Variants in LEKR1 observed in about 807,000 individuals in gnomAD.
The protein encoded by LEKR1 is leucine, glutamate and lysine rich 1, also known as protein LEKR1.
In LEKR1, 59 loss-of-function variants were observed where a neutral mutation model predicts 72.4. The ratio of observed to expected loss-of-function variants is 0.82; its 90% confidence interval spans 0.66 to 1.01. The LOEUF (loss-of-function observed/expected upper bound fraction) is 1.01. Ranked by LOEUF, LEKR1 falls within the 50% of genes least tolerant of loss-of-function variation. The pLI is 0.00. For synonymous variants in LEKR1, 257 were observed against 263.2 expected (o/e 0.98, Z 0.23); for missense variants, 728 against 759.2 (o/e 0.96, Z 0.48).
intron 3 of LEKR1, among the ~76,000 whole-genome samples, chr3:156,885,574 C>G (rs1489652538): frequency 6.6e-6 from 1 of 152,194 alleles, no homozygotes; most frequent in Non-Finnish European, 1.5e-5. Flanking sequence ...AGCCACCCAG[C>G]TGGACTACCA....
intron 2 of LEKR1, among the ~76,000 whole-genome samples, chr3:156,851,680 T>G (rs536770482): frequency 4.1e-4 from 62 of 151,064 alleles, no homozygotes; most frequent in African/African-American, 1.5e-3. Context: ...TAAAAATGTG[T>G]TTTTTTTTCT....
chr3:156,899,492 A>G (rs1428753648), intron 3 of LEKR1, among the ~76,000 whole-genome samples: 3 of 127,782 alleles, frequency 2.3e-5, no homozygotes, highest in African/African-American at 6.2e-5. Context: ...ATACATATAT[A>G]CACATATATA....
intron 12 of LEKR1, among the ~76,000 whole-genome samples, chr3:157,040,487 T>C (rs79440587): frequency 0.038 from 5,822 of 152,304 alleles, 338 homozygotes; most frequent in African/African-American, 0.12. Flanking sequence ...ATTCTTCTCT[T>C]ACCAAAAGGC....
At chr3:156,920,407 T>C (rs1459813324) in intron 3 of LEKR1, among the ~76,000 whole-genome samples, 168 bp from the exon 4 acceptor site, 1 of 152,182 alleles carries the variant, frequency 6.6e-6, no homozygotes, top group Non-Finnish European at 1.5e-5. Flanking sequence ...CAGGATTTGG[T>C]GCCCAAGATT....
intron 3 of LEKR1, among the ~76,000 whole-genome samples, chr3:156,908,369 G>A (rs753712090): frequency 4.6e-5 from 7 of 151,932 alleles, no homozygotes; most frequent in African/African-American, 1.7e-4. Context: ...TCATTCACTC[G>A]TTCCTTCTAC....
At chr3:156,831,407 C>T (rs533254970) in intron 2 of LEKR1, among the ~76,000 whole-genome samples, 1 of 152,248 alleles carries the variant, frequency 6.6e-6, no homozygotes, top group African/African-American at 2.4e-5. Flanking sequence ...ATTAGTTTTA[C>T]AAAGATGGCT....
At chr3:156,974,571 A>G (rs934992412) in intron 6 of LEKR1, among the ~76,000 whole-genome samples, 3 of 151,930 alleles carry the variant, frequency 2.0e-5, no homozygotes, top group Admixed American at 2.0e-4. Flanking sequence ...TTCAAACATT[A>G]TCTCCTCCCC....
intron 11 of LEKR1, among the ~76,000 whole-genome samples, chr3:157,026,362 A>G (rs1028227985): frequency 9.9e-5 from 15 of 152,174 alleles, no homozygotes; most frequent in African/African-American, 3.6e-4. Flanking sequence ...AAGAGAAGTC[A>G]TAAATCCTGA....
At chr3:156,924,606 T>C in intron 4 of LEKR1, 1 of 590,536 alleles carries the variant, frequency 1.7e-6, no homozygotes, top group South Asian at 2.1e-5. Flanking sequence ...AGATCTATGA[T>C]CTATTTCAGC....
chr3:157,024,664 G>A, intron 10 of LEKR1, 96 bp from the exon 11 acceptor site: 1 of 922,852 alleles, frequency 1.1e-6, no homozygotes, highest in Non-Finnish European at 1.6e-6. Flanking sequence ...AAAATTTAAT[G>A]TCAGAACATT....
intron 6 of LEKR1, among the ~76,000 whole-genome samples, chr3:156,959,943 C>A (rs1388572237): frequency 6.6e-6 from 1 of 151,934 alleles, no homozygotes; most frequent in Non-Finnish European, 1.5e-5. Flanking sequence ...TACCTTTCAT[C>A]CCCCCCACCC....
intron 3 of LEKR1, among the ~76,000 whole-genome samples, chr3:156,882,520 G>T (rs1719511829): frequency 6.6e-6 from 1 of 152,090 alleles, no homozygotes; most frequent in African/African-American, 2.4e-5. Flanking sequence ...TGGAGAGGAT[G>T]TGGAGAAATA....
At chr3:156,964,002 C>G (rs1728343872) in intron 6 of LEKR1, among the ~76,000 whole-genome samples, 1 of 152,120 alleles carries the variant, frequency 6.6e-6, no homozygotes, top group South Asian at 2.1e-4. Context: ...AAGTGGATAC[C>G]TGATGATGGC....
At chr3:156,889,537 A>G (rs1560055275) in intron 3 of LEKR1, among the ~76,000 whole-genome samples, 2 of 152,214 alleles carry the variant, frequency 1.3e-5, no homozygotes, top group Admixed American at 6.5e-5. Flanking sequence ...GTTGATTCTG[A>G]AAACATTTTA....
chr3:156,893,988 T>TA (rs1720933315), intron 3 of LEKR1, among the ~76,000 whole-genome samples: 1 of 152,144 alleles, frequency 6.6e-6, no homozygotes, highest in Non-Finnish European at 1.5e-5. Flanking sequence ...AGGGTGAACT[T>TA]AGAGGCTGAA....
In LEKR1 at chr3:156,871,929, T is replaced by A. The variant is rs191976833; in HGVS notation, c.263+18947T>A. 2.7e-3 allele frequency among the ~76,000 whole-genome samples: 405 copies of A among 152,242 alleles called. 1 individual carries two copies. The highest frequency in any genetic ancestry group is 4.6e-3 in the Admixed American group (70 of 15,280). On this transcript the variant is annotated intron_variant, in intron 3 of 12. Transcript: ENST00000356539. Reference sequence around the variant, plus strand: ...TGTGTCCTTGTCTGGCTGTTTTTTTTATCAGGGTAATGTTGGTCTCATAGA... The same window carrying A: ...TGTGTCCTTGTCTGGCTGTTTTTTTAATCAGGGTAATGTTGGTCTCATAGA...
chr3:156,938,491 C>T (rs543253609), intron 5 of LEKR1, among the ~76,000 whole-genome samples: 13 of 152,270 alleles, frequency 8.5e-5, no homozygotes, highest in African/African-American at 2.4e-4. Flanking sequence ...ATTCTCCTGC[C>T]TCAGCCTCCA....
chr3:157,045,198 C>T (rs889855266), intron 12 of LEKR1, 142 bp from the exon 13 acceptor site: 5 of 646,802 alleles, frequency 7.7e-6, no homozygotes, highest in Non-Finnish European at 1.3e-5. Context: ...ACTTGTCTGT[C>T]CCATGAGGTA....
chr3:156,951,246 G>A (rs374843208), intron 6 of LEKR1, among the ~76,000 whole-genome samples: 2 of 151,730 alleles, frequency 1.3e-5, no homozygotes, highest in African/African-American at 4.8e-5. Context: ...TTCTTGATGT[G>A]CTGCTGAATT....
Sources: allele counts gnomAD v4.1 joint callset (sites outside exome capture counted in the v4.1 genomes callset), GRCh38; gene constraint gnomAD v4.1.1; transcripts MANE v1.5; gene names NCBI Gene and HGNC (gene_info 2026-07-23, HGNC 2026-07-21).